FBXL17: variants seen among roughly 807,000 people sequenced by gnomAD.
FBXL17 encodes the protein F-box and leucine rich repeat protein 17.
Under a neutral mutation model 66.2 loss-of-function variants are expected in FBXL17, and 22 were observed. That is an observed-to-expected ratio of 0.33 (90% CI 0.24 to 0.47). The LOEUF (loss-of-function observed/expected upper bound fraction) is 0.47, where lower values mean the gene tolerates loss of function less well. FBXL17 is among the 20% of genes least tolerant of loss of function. FBXL17 has a pLI of 1.00. For synonymous variants in FBXL17, 474 were observed against 400.5 expected (o/e 1.18, Z -2.19); for missense variants, 878 against 948.2 (o/e 0.93, Z 0.97).
chr5:107,872,343 G>A (rs1179177940), intron 8 of FBXL17, among the ~76,000 whole-genome samples: 2 of 152,116 alleles, frequency 1.3e-5, no homozygotes, highest in African/African-American at 2.4e-5. Context: ...GAAATCCAAG[G>A]GGGGAAGCTT....
chr5:108,177,321 AC>A (rs1561448793), intron 6 of FBXL17, among the ~76,000 whole-genome samples: 1 of 152,220 alleles, frequency 6.6e-6, no homozygotes, highest in African/African-American at 2.4e-5. Context: ...TGGAAAAATT[AC>A]TTTTTACCAA....
At chr5:107,981,964 G>A (rs1199187968) in intron 7 of FBXL17, among the ~76,000 whole-genome samples, 1 of 152,126 alleles carries the variant, frequency 6.6e-6, no homozygotes, top group African/African-American at 2.4e-5. Context: ...TCTAAACTAA[G>A]GCTGATTGTG....
chr5:107,914,101 T>C (rs1750047284), intron 7 of FBXL17, among the ~76,000 whole-genome samples: 1 of 52,794 alleles, frequency 1.9e-5, no homozygotes, highest in African/African-American at 8.3e-5. Flanking sequence ...AAACCTCCAG[T>C]AAAACGGTGA....
At chr5:108,067,270 C>T (rs1163671477) in intron 6 of FBXL17, among the ~76,000 whole-genome samples, 2 of 152,206 alleles carry the variant, frequency 1.3e-5, no homozygotes, top group South Asian at 2.1e-4. Flanking sequence ...ATATCTACTT[C>T]GTATTTTTGT....
intron 6 of FBXL17, among the ~76,000 whole-genome samples, chr5:108,126,964 T>A (rs576922944): frequency 4.4e-4 from 67 of 151,964 alleles, no homozygotes; most frequent in African/African-American, 1.5e-3. Context: ...CATCAAAAAA[T>A]TTCCATTTAA....
chr5:108,362,161 G>A (rs55755463), intron 3 of FBXL17, among the ~76,000 whole-genome samples: 18,480 of 152,074 alleles, frequency 0.12, 1,359 homozygotes, highest in Admixed American at 0.16. Context: ...AGTACTCTAA[G>A]TAGTTATTTT....
intron 8 of FBXL17, among the ~76,000 whole-genome samples, chr5:107,866,858 T>G (rs1748290025): frequency 1.3e-5 from 2 of 152,324 alleles, no homozygotes; most frequent in Middle Eastern, 6.8e-3. Context: ...ATTTCAGTCA[T>G]CTCTTTGTTG....
intron 6 of FBXL17, among the ~76,000 whole-genome samples, chr5:108,107,763 G>T (rs1246539558): frequency 6.9e-6 from 1 of 144,220 alleles, no homozygotes; most frequent in Non-Finnish European, 1.5e-5. Flanking sequence ...AGTGAGCTGA[G>T]ATGGCACCAC....
intron 6 of FBXL17, among the ~76,000 whole-genome samples, chr5:108,022,897 A>G (rs1754653754): frequency 6.6e-6 from 1 of 152,088 alleles, no homozygotes; most frequent in Non-Finnish European, 1.5e-5. Flanking sequence ...AAAACTGATA[A>G]AGGGTCATGA....
At chr5:108,194,374 G>GA (rs370521426) in intron 5 of FBXL17, among the ~76,000 whole-genome samples, 49 of 147,854 alleles carry the variant, frequency 3.3e-4, no homozygotes, top group African/African-American at 9.4e-4. Flanking sequence ...ATATAGAGAG[G>GA]AAAAAAAAAA....
chr5:108,016,593 A>G (rs288173), intron 7 of FBXL17, among the ~76,000 whole-genome samples: 35,393 of 151,906 alleles, frequency 0.23, 4,722 homozygotes, highest in East Asian at 0.52. Flanking sequence ...GGAGACACTA[A>G]TGGAGATAAG....
At chr5:108,065,768 G>C (rs189383425) in intron 6 of FBXL17, among the ~76,000 whole-genome samples, 25 of 152,248 alleles carry the variant, frequency 1.6e-4, no homozygotes, top group Non-Finnish European at 2.8e-4. Flanking sequence ...AAGTAACCTT[G>C]GAGTTTCCAG....
At chr5:108,219,464 TCAC>T (rs1754754592) in intron 5 of FBXL17, among the ~76,000 whole-genome samples, 1 of 152,176 alleles carries the variant, frequency 6.6e-6, no homozygotes, top group Non-Finnish European at 1.5e-5. Context: ...CATGGGTGGA[TCAC>T]CTGAGGTCAG....
At chr5:108,008,092 C>A (rs1363694437) in intron 7 of FBXL17, among the ~76,000 whole-genome samples, 1 of 152,156 alleles carries the variant, frequency 6.6e-6, no homozygotes, top group Non-Finnish European at 1.5e-5. Context: ...TAATACACTT[C>A]ACAGGAATGT....
intron 6 of FBXL17, among the ~76,000 whole-genome samples, chr5:108,096,005 A>C (rs950376757): frequency 3.9e-5 from 6 of 152,220 alleles, no homozygotes; most frequent in Admixed American, 2.6e-4. Context: ...AAATCTGTTT[A>C]AACAGCATGA....
At chr5:107,945,605 C>A (rs1266259599) in intron 7 of FBXL17, among the ~76,000 whole-genome samples, 2 of 151,642 alleles carry the variant, frequency 1.3e-5, no homozygotes, top group Non-Finnish European at 1.5e-5. Flanking sequence ...AACAAACAAA[C>A]AAAAAAAGCA....
intron 6 of FBXL17, among the ~76,000 whole-genome samples, chr5:108,097,420 T>C (rs899248028): frequency 1.3e-5 from 2 of 152,228 alleles, no homozygotes; most frequent in African/African-American, 2.4e-5. Flanking sequence ...TCTAACATTC[T>C]AGTTTTTAAC....
chr5:108,349,221 AATGT>A (rs1160946415), intron 3 of FBXL17, among the ~76,000 whole-genome samples: 1 of 152,222 alleles, frequency 6.6e-6, no homozygotes, highest in South Asian at 2.1e-4. Flanking sequence ...ATTTGACAAA[AATGT>A]ATGTAAGTTT....
At chr5:107,989,587 G>A (rs938623412) in intron 7 of FBXL17, among the ~76,000 whole-genome samples, 1 of 152,102 alleles carries the variant, frequency 6.6e-6, no homozygotes, top group African/African-American at 2.4e-5. Context: ...GAATAGTGCT[G>A]CAATAGTAAT....
Sources: allele counts gnomAD v4.1 joint callset (sites outside exome capture counted in the v4.1 genomes callset), GRCh38; gene constraint gnomAD v4.1.1; transcripts MANE v1.5; gene names NCBI Gene and HGNC (gene_info 2026-07-23, HGNC 2026-07-21).